The following SCN3A variants were observed in gnomAD, a reference collection of about 807,000 sequenced individuals.
The protein encoded by SCN3A is sodium voltage-gated channel alpha subunit 3, also known as sodium channel protein type 3 subunit alpha.
In SCN3A, 60 loss-of-function variants were observed where a neutral mutation model predicts 187.6. That is an observed-to-expected ratio of 0.32 (90% CI 0.26 to 0.40). The LOEUF (loss-of-function observed/expected upper bound fraction) is 0.40, where lower values mean the gene tolerates loss of function less well. Among genes scored for constraint, SCN3A ranks in the 10% least tolerant of loss-of-function variants. The pLI is 1.00. For synonymous variants in SCN3A, 788 were observed against 829.2 expected (o/e 0.95, Z 0.85); for missense variants, 1,601 against 2,428.2 (o/e 0.66, Z 7.16).
chr2:165,162,905 T>G, intron 7 of SCN3A, 77 bp from the exon 8 acceptor site: 2 of 1,541,902 alleles, frequency 1.3e-6, no homozygotes, highest in Non-Finnish European at 1.8e-6. Context: ...ACACATTCTC[T>G]TTCCCCCATA....
At chr2:165,125,682 C>G (rs576803047) in intron 18 of SCN3A, among the ~76,000 whole-genome samples, 1 of 152,178 alleles carries the variant, frequency 6.6e-6, no homozygotes, top group Admixed American at 6.5e-5. Flanking sequence ...TCAAATATGT[C>G]AAGATTTCCT....
chr2:165,108,504 T>G (rs546799234), intron 21 of SCN3A, among the ~76,000 whole-genome samples: 5 of 152,292 alleles, frequency 3.3e-5, no homozygotes, highest in Admixed American at 2.6e-4. Flanking sequence ...CTGTGAGCAA[T>G]AAATACTTCA....
At chr2:165,127,554 G>A (rs1424040242) in intron 18 of SCN3A, 77 bp downstream of exon 18, 17 of 1,171,440 alleles carry the variant, frequency 1.5e-5, no homozygotes, top group Non-Finnish European at 2.0e-5. Context: ...ATGCATATAA[G>A]CACAATGAAA....
intron 8 of SCN3A, 32 bp from the exon 9 acceptor site, chr2:165,162,403 C>T (rs367890558): frequency 7.8e-5 from 125 of 1,603,884 alleles, no homozygotes; most frequent in Non-Finnish European, 1.0e-4. Flanking sequence ...CATTTTATTT[C>T]ATATTAATCC....
chr2:165,115,185 C>T (rs1246658421), intron 19 of SCN3A, among the ~76,000 whole-genome samples: 1 of 151,896 alleles, frequency 6.6e-6, no homozygotes, highest in African/African-American at 2.4e-5. Flanking sequence ...GAGGTAGCAG[C>T]GACTACAGGC....
At chr2:165,182,199 A>G (rs1054142071) in intron 2 of SCN3A, among the ~76,000 whole-genome samples, 2 of 152,230 alleles carry the variant, frequency 1.3e-5, no homozygotes, top group African/African-American at 4.8e-5. Context: ...TCTAAAATCT[A>G]TACTTCGAGA....
chr2:165,124,898 T>C (rs1016027796), intron 18 of SCN3A, among the ~76,000 whole-genome samples: 2 of 152,194 alleles, frequency 1.3e-5, no homozygotes, highest in South Asian at 2.1e-4. Flanking sequence ...ACTGTTTTAC[T>C]CTTTGATATC....
intron 24 of SCN3A, 103 bp from the exon 25 acceptor site, chr2:165,095,751 G>C (rs1685336051): frequency 7.7e-6 from 5 of 649,346 alleles, no homozygotes; most frequent in Non-Finnish European, 1.3e-5. Flanking sequence ...TGCTACTTTT[G>C]CCTTACCCTG....
rs1433670341 is a variant in SCN3A, at chr2:165,095,796, A to G, written c.4294-148T>C. On this transcript the variant is annotated intron_variant, in intron 24 of 27. Transcript: ENST00000283254. Reference sequence around the variant, plus strand: ...TCTACAAAAACAATTTTTTAAAACTAGTATGATCTAGTAAAATGAAGGTTT... The same window carrying G: ...TCTACAAAAACAATTTTTTAAAACTGGTATGATCTAGTAAAATGAAGGTTT... The G allele has an allele frequency of 7.9e-6, 4 of 506,160 alleles. No homozygotes were observed. In the South Asian group the frequency reaches 1.0e-4, roughly 13 times the overall value. 31.4% of individuals were successfully genotyped at this position (506,160 alleles called of 1,614,324 possible).
At chr2:165,202,865 C>T (rs551175464) in intron 1 of SCN3A, among the ~76,000 whole-genome samples, 1 of 152,052 alleles carries the variant, frequency 6.6e-6, no homozygotes, top group African/African-American at 2.4e-5. Context: ...TATTTTAAAA[C>T]CCTGTATGAT....
rs778562916 is a variant in SCN3A at position 165,091,396 on chromosome 2, G to T, written c.4808-51C>A. 3.1e-6 allele frequency: 5 copies of T among 1,606,162 alleles called. No homozygotes were observed. In the East Asian group the frequency reaches 1.1e-4, roughly 36 times the overall value. On this transcript the variant is annotated intron_variant, in intron 27 of 27. Transcript: ENST00000283254. Reference sequence around the variant, plus strand: ...AACAGATAATATCTTTCACTTACATGATGGCTTTATCTTTTTTAAGGTCTA... The same window carrying T: ...AACAGATAATATCTTTCACTTACATTATGGCTTTATCTTTTTTAAGGTCTA...
At chr2:165,108,984 A>G (rs962549337) in intron 21 of SCN3A, among the ~76,000 whole-genome samples, 1 of 152,058 alleles carries the variant, frequency 6.6e-6, no homozygotes, top group Admixed American at 6.6e-5. Context: ...CACAACACCA[A>G]TGACCTTCAT....
chr2:165,109,785 G>A (rs1331103550), intron 21 of SCN3A, among the ~76,000 whole-genome samples: 1 of 152,058 alleles, frequency 6.6e-6, no homozygotes, highest in African/African-American at 2.4e-5. Context: ...ACTAATATAT[G>A]ATAGATTACA....
chr2:165,144,282 T>C (rs1242614874), intron 12 of SCN3A, among the ~76,000 whole-genome samples: 2 of 152,236 alleles, frequency 1.3e-5, no homozygotes, highest in Non-Finnish European at 2.9e-5. Flanking sequence ...CTGTCTTTAC[T>C]GGGATATGCA....
chr2:165,155,672 T>C, intron 10 of SCN3A, 90 bp downstream of exon 10: 1 of 1,466,128 alleles, frequency 6.8e-7, no homozygotes, highest in East Asian at 2.3e-5. Context: ...GTGCTAGGGT[T>C]ACAGGCATGA....
intron 9 of SCN3A, among the ~76,000 whole-genome samples, chr2:165,160,269 G>T (rs1296335603): frequency 3.3e-5 from 5 of 152,114 alleles, no homozygotes; most frequent in African/African-American, 1.2e-4. Flanking sequence ...ACATTATGGT[G>T]ACTTGTACAA....
chr2:165,193,138 C>A (rs192256627), intron 1 of SCN3A, among the ~76,000 whole-genome samples: 1 of 151,948 alleles, frequency 6.6e-6, no homozygotes, highest in Non-Finnish European at 1.5e-5. Flanking sequence ...TTCAGATATA[C>A]CTGTTCCCTA....
intron 15 of SCN3A, among the ~76,000 whole-genome samples, chr2:165,137,411 AT>A (rs956772899): frequency 1.3e-5 from 2 of 151,906 alleles, no homozygotes; most frequent in African/African-American, 2.4e-5. Flanking sequence ...TTTAGCAACT[AT>A]TTTTTTTCTT....
chr2:165,173,013 T>C (rs1291572265), intron 3 of SCN3A, among the ~76,000 whole-genome samples: 1 of 152,036 alleles, frequency 6.6e-6, no homozygotes, highest in Non-Finnish European at 1.5e-5. Context: ...AAATGACAGA[T>C]GAATAGGGGA....
Sources: allele counts gnomAD v4.1 joint callset (sites outside exome capture counted in the v4.1 genomes callset), GRCh38; gene constraint gnomAD v4.1.1; transcripts MANE v1.5; gene names NCBI Gene and HGNC (gene_info 2026-07-23, HGNC 2026-07-21).